Variants in MTUS2 observed in about 807,000 individuals in gnomAD.
The protein encoded by MTUS2 is microtubule-associated tumor suppressor candidate 2.
Under a neutral mutation model 114.1 loss-of-function variants are expected in MTUS2, and 40 were observed. That is an observed-to-expected ratio of 0.35 (90% CI 0.27 to 0.46). The LOEUF is 0.46. Among genes scored for constraint, MTUS2 ranks in the 20% least tolerant of loss-of-function variants. The pLI is 1.00. For missense variants in MTUS2, 1,679 were observed against 1,705.4 expected, an observed-to-expected ratio of 0.98 and a Z score of 0.27; for synonymous variants, 688 against 672.0, an observed-to-expected ratio of 1.02 and a Z score of -0.37.
intron 4 of MTUS2, among the ~76,000 whole-genome samples, chr13:29,086,150 T>G (rs1328240403): frequency 6.6e-6 from 1 of 152,230 alleles, no homozygotes; most frequent in African/African-American, 2.4e-5. Flanking sequence ...CTTGTTGATT[T>G]GTTTAAGTTC....
At chr13:29,386,912 C>T (rs1263826099) in intron 8 of MTUS2, among the ~76,000 whole-genome samples, 1 of 152,146 alleles carries the variant, frequency 6.6e-6, no homozygotes, top group Non-Finnish European at 1.5e-5. Context: ...GGGAGGGGTT[C>T]AAAGGCAATT....
At chr13:29,488,272 C>A (rs1429349316) in intron 11 of MTUS2, 2 of 468,714 alleles carry the variant, frequency 4.3e-6, no homozygotes, top group African/African-American at 3.9e-5. Context: ...TAACAAAAGA[C>A]CAATGCCAGC....
chr13:29,388,876 C>T lies in MTUS2; in HGVS notation c.3117+29403C>T, dbSNP rs200966794. On this transcript the variant is annotated intron_variant, in intron 8 of 15. Transcript: ENST00000612955. ...ATGGGCCCATTCTCAACTTTTGTGT[C>T]CATTTGAACTGAAAAAGGCATATCT... is the stretch of plus-strand genomic sequence containing the variant. Among the ~76,000 whole-genome samples the T allele has an allele frequency of 2.0e-5, 3 of 151,942 alleles. No individual in the cohort carries two copies. In the East Asian group the frequency reaches 5.8e-4, roughly 30 times the overall value.
At chr13:29,379,812 A>G (rs1220033723) in intron 8 of MTUS2, among the ~76,000 whole-genome samples, 1 of 152,274 alleles carries the variant, frequency 6.6e-6, no homozygotes, top group Non-Finnish European at 1.5e-5. Context: ...CCTAAAAGCA[A>G]AAAGATCACG....
chr13:28,840,705 G>C (rs1032442597), intron 2 of MTUS2, among the ~76,000 whole-genome samples: 2 of 152,208 alleles, frequency 1.3e-5, no homozygotes, highest in African/African-American at 4.8e-5. Context: ...GCTCTGCCTT[G>C]TTGGGATTCA....
At chr13:29,086,181 G>C (rs977095334) in intron 4 of MTUS2, among the ~76,000 whole-genome samples, 5 of 152,042 alleles carry the variant, frequency 3.3e-5, no homozygotes, top group African/African-American at 1.2e-4. Flanking sequence ...CTGGATATTA[G>C]GTCTTTGTTG....
chr13:28,925,758 T>C (rs1480869293), intron 2 of MTUS2, among the ~76,000 whole-genome samples: 1 of 152,242 alleles, frequency 6.6e-6, no homozygotes, highest in Admixed American at 6.5e-5. Flanking sequence ...TACGAGGTAT[T>C]GTGAGTACTC....
chr13:29,405,802 G>A (rs377305428), intron 8 of MTUS2, among the ~76,000 whole-genome samples: 3 of 150,898 alleles, frequency 2.0e-5, no homozygotes, highest in East Asian at 1.9e-4. Context: ...GTGCAGTGGC[G>A]TGATCTCGGC....
intron 8 of MTUS2, among the ~76,000 whole-genome samples, chr13:29,394,891 T>A (rs1437981682): frequency 1.3e-5 from 2 of 152,080 alleles, no homozygotes; most frequent in Non-Finnish European, 2.9e-5. Context: ...CCTGATGATC[T>A]AAGGTGGAAC....
chr13:29,071,333 T>C (rs1447752166), intron 4 of MTUS2, among the ~76,000 whole-genome samples: 3 of 151,434 alleles, frequency 2.0e-5, no homozygotes, highest in Non-Finnish European at 4.4e-5. Flanking sequence ...TGTTCTTTAT[T>C]TTATTGTTGC....
At chr13:28,859,497 G>A (rs563779241) in intron 2 of MTUS2, among the ~76,000 whole-genome samples, 2 of 152,104 alleles carry the variant, frequency 1.3e-5, no homozygotes, top group Non-Finnish European at 2.9e-5. Context: ...TGGGGAATTA[G>A]GCATGTGCTG....
intron 5 of MTUS2, among the ~76,000 whole-genome samples, chr13:29,185,810 A>G (rs1457955969): frequency 1.3e-5 from 2 of 152,264 alleles, no homozygotes; most frequent in African/African-American, 4.8e-5. Context: ...AGGAATTAAT[A>G]TAACTAGAAG....
At chr13:29,430,873 T>C (rs1253839849) in intron 8 of MTUS2, among the ~76,000 whole-genome samples, 1 of 152,210 alleles carries the variant, frequency 6.6e-6, no homozygotes, top group Non-Finnish European at 1.5e-5. Flanking sequence ...CTTCAATCTG[T>C]TAATCAACTC....
At chr13:29,414,610 G>T (rs1393489063) in intron 8 of MTUS2, among the ~76,000 whole-genome samples, 6 of 151,774 alleles carry the variant, frequency 4.0e-5, no homozygotes, top group African/African-American at 1.2e-4. Context: ...CTCAATTTTG[G>T]GAACCTATGT....
At position 29,176,960 on chromosome 13, in the gene MTUS2, C is replaced by A. The variant is rs561328656; in HGVS notation, c.2644+75990C>A. Among the ~76,000 whole-genome samples, 11 of 151,022 alleles carry A rather than the reference C, an allele frequency of 7.3e-5. No homozygotes were observed. The East Asian group carries it at 1.9e-3, about 27-fold the overall frequency. ...TCTTTACTGTCAATGATCTCTGTTGCCGTAGAGAGATTGTAGGGAGATTTT... is the reference window on the plus strand; with the variant it reads ...TCTTTACTGTCAATGATCTCTGTTGACGTAGAGAGATTGTAGGGAGATTTT... On this transcript the variant is annotated intron_variant, in intron 5 of 15. Coordinates refer to ENST00000612955, the MANE Select transcript of MTUS2 (RefSeq NM_001033602.4).
chr13:28,849,563 AC>A, intron 2 of MTUS2, among the ~76,000 whole-genome samples: 1 of 152,196 alleles, frequency 6.6e-6, no homozygotes. Context: ...CAGCAGCACT[AC>A]CTGAGGCTAG....
At chr13:29,365,579 G>A (rs1377187927) in intron 8 of MTUS2, among the ~76,000 whole-genome samples, 2 of 151,028 alleles carry the variant, frequency 1.3e-5, no homozygotes, top group African/African-American at 2.4e-5. Flanking sequence ...GGAGAAGAAA[G>A]GTGAATTTCA....
intron 5 of MTUS2, among the ~76,000 whole-genome samples, chr13:29,115,897 T>G (rs1207242880): frequency 6.6e-6 from 1 of 152,228 alleles, no homozygotes; most frequent in Non-Finnish European, 1.5e-5. Context: ...CTTACACATG[T>G]TAAGCTGAAT....
chr13:29,131,840 A>AAGTC, intron 5 of MTUS2, among the ~76,000 whole-genome samples: 1 of 152,232 alleles, frequency 6.6e-6, no homozygotes, highest in East Asian at 1.9e-4. Context: ...TATCAAATGA[A>AAGTC]AGTCATCCCT....
Sources: allele counts gnomAD v4.1 joint callset (sites outside exome capture counted in the v4.1 genomes callset), GRCh38; gene constraint gnomAD v4.1.1; transcripts MANE v1.5; gene names NCBI Gene and HGNC (gene_info 2026-07-23, HGNC 2026-07-21).